The following TDRD3 variants were observed in gnomAD, a reference collection of about 807,000 sequenced individuals.
TDRD3 encodes tudor domain-containing protein 3.
A neutral mutation model predicts 86.7 loss-of-function variants in TDRD3; 45 were observed. The ratio of observed to expected loss-of-function variants is 0.52; its 90% CI spans 0.41 to 0.67. The LOEUF (loss-of-function observed/expected upper bound fraction) is 0.67. TDRD3 is among the 30% of genes least tolerant of loss of function. The pLI is 0.00. For missense variants in TDRD3, 814 were observed against 889.0 expected, an observed-to-expected ratio of 0.92 and a Z score of 1.07; for synonymous variants, 298 against 301.7, an observed-to-expected ratio of 0.99 and a Z score of 0.13.
intron 10 of TDRD3, among the ~76,000 whole-genome samples, 180 bp from the exon 11 acceptor site, chr13:60,528,187 C>G (rs908429654): frequency 6.6e-6 from 1 of 152,022 alleles, no homozygotes; most frequent in Non-Finnish European, 1.5e-5. Context: ...GAAAACTGTA[C>G]ATTAGAAATG....
At chr13:60,483,654 C>CTT (rs903415032) in intron 5 of TDRD3, 121 bp from the exon 6 acceptor site, 9 of 827,564 alleles carry the variant, frequency 1.1e-5, no homozygotes, top group East Asian at 3.0e-5. Flanking sequence ...CATGGAAGGC[C>CTT]TTTTTTTTTC....
At chr13:60,446,665 TACTC>T (rs1955406536) in intron 3 of TDRD3, among the ~76,000 whole-genome samples, 3 of 152,202 alleles carry the variant, frequency 2.0e-5, no homozygotes, top group Non-Finnish European at 2.9e-5. Flanking sequence ...ACACAGAAAT[TACTC>T]ATTTGGTTTG....
At chr13:60,444,433 A>G (rs979836304) in intron 2 of TDRD3, among the ~76,000 whole-genome samples, 9 of 152,052 alleles carry the variant, frequency 5.9e-5, no homozygotes, top group Admixed American at 3.3e-4. Context: ...TAGTAAATAA[A>G]AAGGTTACCT....
At chr13:60,519,960 G>A (rs1399538559) in intron 10 of TDRD3, among the ~76,000 whole-genome samples, 5 of 152,110 alleles carry the variant, frequency 3.3e-5, no homozygotes, top group African/African-American at 1.2e-4. Flanking sequence ...GGTGTGTGTG[G>A]CACTTTTTCT....
chr13:60,481,460 G>T (rs1956316678), intron 5 of TDRD3, among the ~76,000 whole-genome samples: 1 of 144,352 alleles, frequency 6.9e-6, no homozygotes. Context: ...CTTTTCCTTT[G>T]GCCTCTTTTT....
chr13:60,506,163 A>C (rs1956933349), intron 8 of TDRD3, among the ~76,000 whole-genome samples: 1 of 152,216 alleles, frequency 6.6e-6, no homozygotes, highest in African/African-American at 2.4e-5. Context: ...AGGGAAACCC[A>C]TCAGACTAAT....
chr13:60,483,404 A>T (rs1956359819), intron 5 of TDRD3, among the ~76,000 whole-genome samples: 1 of 152,140 alleles, frequency 6.6e-6, no homozygotes, highest in African/African-American at 2.4e-5. Flanking sequence ...ATTTTTGAAG[A>T]TAATTTCCAG....
chr13:60,474,181 CCTCT>C (rs1026431523), intron 5 of TDRD3, among the ~76,000 whole-genome samples: 2 of 151,842 alleles, frequency 1.3e-5, no homozygotes, highest in East Asian at 1.9e-4. Context: ...CGTAAGCTGT[CCTCT>C]CTCTCTCTCC....
chr13:60,505,033 A>G (rs530496406), intron 8 of TDRD3, among the ~76,000 whole-genome samples: 8 of 152,210 alleles, frequency 5.3e-5, no homozygotes, highest in Admixed American at 4.6e-4. Flanking sequence ...ACACTAACCT[A>G]GCTGCAGGAG....
intron 5 of TDRD3, among the ~76,000 whole-genome samples, chr13:60,471,193 A>G (rs1216166378): frequency 6.6e-6 from 1 of 152,180 alleles, no homozygotes; most frequent in Non-Finnish European, 1.5e-5. Context: ...TTTTATGCTT[A>G]GGTCTTTGAT....
At chr13:60,557,237 G>T (rs1595116344) in intron 12 of TDRD3, among the ~76,000 whole-genome samples, 1 of 148,924 alleles carries the variant, frequency 6.7e-6, no homozygotes, top group African/African-American at 2.5e-5. Flanking sequence ...AGTAGTTCCT[G>T]AAGTTCAGAT....
intron 1 of TDRD3, among the ~76,000 whole-genome samples, chr13:60,433,545 T>C (rs753283337): frequency 3.9e-5 from 6 of 152,214 alleles, no homozygotes; most frequent in Non-Finnish European, 7.3e-5. Flanking sequence ...ATGAATGTTA[T>C]ACTATCTGAG....
intron 1 of TDRD3, among the ~76,000 whole-genome samples, chr13:60,403,357 T>C (rs560808852): frequency 6.6e-6 from 1 of 152,346 alleles, no homozygotes; most frequent in South Asian, 2.1e-4. Flanking sequence ...TTGGCTTATG[T>C]TTTCTCCTTT....
rs553809095 is a variant in TDRD3, at chr13:60,509,515, T to C, written c.859-248T>C. 1.5e-4 allele frequency: 63 copies of C among 424,556 alleles called. No homozygotes were observed. In the East Asian group the frequency reaches 2.7e-3, roughly 18 times the overall value. 26.3% of individuals were successfully genotyped at this position (424,556 alleles called of 1,614,324 possible). A position where few individuals can be genotyped will look rare whatever the true frequency, so the allele number is the denominator to read the frequency against. On this transcript the variant is annotated intron_variant, in intron 8 of 13. Transcript: ENST00000377881. ...GGCCATACTCTAACATATCATAAAA[T>C]TTATTTTTTGTGTGTTGCTTTTGCA... is the stretch of plus-strand genomic sequence containing the variant.
intron 12 of TDRD3, chr13:60,537,484 C>T (rs1274837094): frequency 1.3e-5 from 2 of 151,978 alleles, no homozygotes; most frequent in African/African-American, 4.8e-5. Context: ...ATTCTCTTAG[C>T]CCCTGAGAGT....
intron 13 of TDRD3, among the ~76,000 whole-genome samples, chr13:60,569,936 G>A (rs75537889): frequency 0.041 from 6,314 of 152,250 alleles, 389 homozygotes; most frequent in African/African-American, 0.13. Flanking sequence ...AAATACTTAA[G>A]TCTAAGACTT....
intron 1 of TDRD3, among the ~76,000 whole-genome samples, chr13:60,405,786 G>A (rs559114685): frequency 2.0e-5 from 3 of 152,282 alleles, no homozygotes; most frequent in South Asian, 2.1e-4. Flanking sequence ...TGATGTGAGG[G>A]TTATGGTGGG....
intron 5 of TDRD3, among the ~76,000 whole-genome samples, chr13:60,473,795 A>AG (rs1184300824): frequency 1.3e-5 from 2 of 152,190 alleles, no homozygotes; most frequent in South Asian, 2.1e-4. Flanking sequence ...CAAGGCCACT[A>AG]GAGGGCTCCC....
rs371557343 is a variant in TDRD3, at chr13:60,494,355, T to C, written c.718-80T>C. 58 of 1,364,176 alleles carry C rather than the reference T, an allele frequency of 4.3e-5. No individual in the cohort carries two copies. The African/African-American group carries it at 6.6e-4, about 16-fold the overall frequency. 84.5% of individuals were successfully genotyped at this position (1,364,176 alleles called of 1,614,324 possible). A position where few individuals can be genotyped will look rare whatever the true frequency, so the allele number is the denominator to read the frequency against. On this transcript the variant is annotated intron_variant, in intron 7 of 13. Coordinates refer to ENST00000377881, the MANE Select transcript of TDRD3 (RefSeq NM_001146070.2). ...TTAGGAAACTTAATTACTTCAGTTG[T>C]TTTTAGTCATAGCTTAGTTTTTAGA...
Sources: gnomAD v4.1 joint callset for allele counts (sites outside exome capture counted in the v4.1 genomes callset) on GRCh38, gnomAD v4.1.1 for gene constraint, MANE v1.5 for transcripts, NCBI Gene and HGNC (gene_info 2026-07-23, HGNC 2026-07-21) for gene names.